NPSR1: variants seen among roughly 807,000 people sequenced by gnomAD.
NPSR1 encodes neuropeptide S receptor 1.
NPSR1 carries 48 observed loss-of-function variants against 46.9 expected under a neutral mutation model. That is an observed-to-expected ratio of 1.02 (90% CI 0.81 to 1.30). NPSR1 has a LOEUF of 1.30. Ranked by LOEUF, NPSR1 falls within the 50% of genes most tolerant of loss-of-function variation. The pLI, the probability that NPSR1 is intolerant of heterozygous loss-of-function variation, is 0.00. For synonymous variants in NPSR1, 176 were observed against 168.1 expected (o/e 1.05, Z -0.36); for missense variants, 450 against 449.5 (o/e 1.00, Z -0.01).
chr7:34,802,386 G>A (rs1259321611), intron 3 of NPSR1, among the ~76,000 whole-genome samples: 4 of 150,120 alleles, frequency 2.7e-5, no homozygotes, highest in South Asian at 2.1e-4. Flanking sequence ...CAATGGAACA[G>A]AACAGAGCCC....
chr7:34,770,803 T>C (rs1022499451), intron 2 of NPSR1, among the ~76,000 whole-genome samples: 3 of 152,192 alleles, frequency 2.0e-5, no homozygotes, highest in African/African-American at 7.2e-5. Context: ...GACACAGTTC[T>C]GGAGGCTGGG....
At chr7:34,758,108 G>A in intron 2 of NPSR1, 1 of 152,750 alleles carries the variant, frequency 6.5e-6, no homozygotes, top group East Asian at 1.9e-4. Context: ...TCTGTAAAAT[G>A]GAGGTTGTAA....
downstream of NPSR1, among the ~76,000 whole-genome samples, chr7:34,852,094 G>A (rs937715192): frequency 6.6e-6 from 1 of 152,078 alleles, no homozygotes; most frequent in African/African-American, 2.4e-5. Flanking sequence ...CCAGGAGATC[G>A]AGACCATTCT....
intron 3 of NPSR1, among the ~76,000 whole-genome samples, chr7:34,783,937 A>G (rs1025704470): frequency 2.0e-5 from 3 of 152,150 alleles, no homozygotes; most frequent in Non-Finnish European, 4.4e-5. Context: ...AAGTAGAGAG[A>G]AAGATTTCCC....
At chr7:34,665,905 T>C (rs1037266442) in intron 1 of NPSR1, among the ~76,000 whole-genome samples, 1 of 152,128 alleles carries the variant, frequency 6.6e-6, no homozygotes, top group African/African-American at 2.4e-5. Flanking sequence ...ATGTCAGTTA[T>C]TTAGGGACAC....
intron 8 of NPSR1, among the ~76,000 whole-genome samples, chr7:34,873,822 G>A (rs1791515230): frequency 6.6e-6 from 1 of 151,636 alleles, no homozygotes; most frequent in African/African-American, 2.4e-5. Context: ...CCAGGAACAG[G>A]CTTCAGAAAC....
At chr7:34,699,412 T>C (rs1024638803) in intron 2 of NPSR1, among the ~76,000 whole-genome samples, 12 of 152,284 alleles carry the variant, frequency 7.9e-5, no homozygotes, top group African/African-American at 1.2e-4. Context: ...AATATACTTA[T>C]GATTTTATAG....
chr7:34,833,371 C>T (rs1245911021), intron 5 of NPSR1, among the ~76,000 whole-genome samples: 1 of 152,090 alleles, frequency 6.6e-6, no homozygotes, highest in African/African-American at 2.4e-5. Flanking sequence ...ACTTTGTTTT[C>T]CTGTTAGGCA....
At position 34,714,683 on chromosome 7, in the gene NPSR1, G is replaced by T. The variant is rs566408668; in HGVS notation, c.280+29999G>T. On this transcript the variant is annotated intron_variant, in intron 2 of 8. Coordinates refer to ENST00000360581, the MANE Select transcript of NPSR1 (RefSeq NM_207172.2). ...AAGCTGGGCTCATTTACCTAGTGGGGGTCTACAGGTTACTCATCCTAGACC... is the reference window on the plus strand; with the variant it reads ...AAGCTGGGCTCATTTACCTAGTGGGTGTCTACAGGTTACTCATCCTAGACC... Among the ~76,000 whole-genome samples the T allele has an allele frequency of 1.6e-4, 25 of 152,210 alleles. 1 individual carries two copies. The East Asian group carries it at 4.1e-3, about 25-fold the overall frequency.
At position 34,658,341 on chromosome 7, in the gene NPSR1, C is replaced by T; in HGVS notation, c.-72C>T. On this transcript the variant is annotated 5_prime_UTR_variant, in exon 1 of 9. Transcript: ENST00000360581. The stretch of plus-strand genomic sequence containing the variant: ...GCAGAGCTGCAGCTGCTGCCCAGCT[C>T]TCAGGAGGCAAGCTGGACTCCCTCA... 1.3e-6 allele frequency: 2 copies of T among 1,559,858 alleles called. No homozygotes were observed. Among genetic ancestry groups the T allele is most frequent in the East Asian group, 2.2e-5 (1 of 44,566 alleles).
At chr7:34,826,988 C>T (rs553165955) in intron 4 of NPSR1, among the ~76,000 whole-genome samples, 44 of 152,146 alleles carry the variant, frequency 2.9e-4, no homozygotes, top group Non-Finnish European at 5.1e-4. Context: ...AAAGATGCCA[C>T]GTGGACCAAA....
chr7:34,760,725 C>G (rs1326101030), intron 2 of NPSR1, among the ~76,000 whole-genome samples: 2 of 152,182 alleles, frequency 1.3e-5, no homozygotes, highest in Admixed American at 6.5e-5. Flanking sequence ...GCAAAACTGA[C>G]TAAATATAAT....
At chr7:34,808,886 C>T (rs1788840975) in intron 3 of NPSR1, among the ~76,000 whole-genome samples, 1 of 152,042 alleles carries the variant, frequency 6.6e-6, no homozygotes, top group African/African-American at 2.4e-5. Flanking sequence ...TTTTACCCTG[C>T]CTTAAATGCC....
intron 8 of NPSR1, among the ~76,000 whole-genome samples, chr7:34,862,023 C>G (rs1368200725): frequency 2.0e-5 from 3 of 151,878 alleles, no homozygotes; most frequent in Non-Finnish European, 2.9e-5. Context: ...TCAACAGGCA[C>G]TCCCCCAGTG....
intron 2 of NPSR1, among the ~76,000 whole-genome samples, chr7:34,747,590 C>T (rs767730840): frequency 2.6e-5 from 4 of 151,698 alleles, no homozygotes; most frequent in South Asian, 2.1e-4. Context: ...ACAGATGATA[C>T]CAAGAACCAG....
At chr7:34,754,912 T>C (rs2128725915) in intron 2 of NPSR1, among the ~76,000 whole-genome samples, 1 of 152,350 alleles carries the variant, frequency 6.6e-6, no homozygotes, top group Non-Finnish European at 1.5e-5. Context: ...ACTGGTTTAT[T>C]TCACTTAACA....
intron 5 of NPSR1, among the ~76,000 whole-genome samples, chr7:34,830,285 G>C (rs1445683072): frequency 1.3e-5 from 2 of 152,120 alleles, no homozygotes; most frequent in Non-Finnish European, 2.9e-5. Context: ...CTCAAGGAAA[G>C]TGTTCACTCG....
chr7:34,751,922 C>G (rs1785557008), intron 2 of NPSR1: 1 of 1,405,464 alleles, frequency 7.1e-7, no homozygotes, highest in African/African-American at 1.4e-5. Flanking sequence ...ACTCAAACAA[C>G]TTGTGTTCCT....
At chr7:34,842,193 CA>C (rs1441547854) in intron 6 of NPSR1, among the ~76,000 whole-genome samples, 1 of 152,180 alleles carries the variant, frequency 6.6e-6, no homozygotes, top group Non-Finnish European at 1.5e-5. Context: ...TTCTACACCT[CA>C]ATTTTTAAAT....
Sources: allele counts gnomAD v4.1 joint callset (sites outside exome capture counted in the v4.1 genomes callset), GRCh38; gene constraint gnomAD v4.1.1; transcripts MANE v1.5; gene names NCBI Gene and HGNC (gene_info 2026-07-23, HGNC 2026-07-21).